HENMT1: variants seen among roughly 807,000 people sequenced by gnomAD.
HENMT1 encodes the protein HEN methyltransferase 1, also known as small RNA 2'-O-methyltransferase.
Under a neutral mutation model 31.1 loss-of-function variants are expected in HENMT1, and 27 were observed. That is an observed-to-expected ratio of 0.87 (90% CI 0.64 to 1.20). The LOEUF is 1.20. Ranked by LOEUF, HENMT1 falls within the 50% of genes most tolerant of loss-of-function variation. The pLI is 0.00. For missense variants in HENMT1, 438 were observed against 469.6 expected (o/e 0.93, Z 0.62); for synonymous variants, 167 against 172.2 (o/e 0.97, Z 0.24).
chr1:108,655,891 ACT>A (rs1553183576), intron 3 of HENMT1, among the ~76,000 whole-genome samples, 193 bp from the exon 4 acceptor site: 4 of 147,192 alleles, frequency 2.7e-5, no homozygotes, highest in African/African-American at 1.0e-4. Context: ...ACACACACAC[ACT>A]AACCTGAAAC....
At position 108,648,673 on chromosome 1, in the gene HENMT1, C is replaced by T. The variant is rs775232176; in HGVS notation, c.1075G>A (p.Glu359Lys). 6.2e-7 allele frequency: 1 copy of T among 1,614,226 alleles called. No homozygotes were observed. Reference sequence around the variant, plus strand: ...GCAATGACTGATCTCATCATCTCTTCATTAGCACATAAGCGGTTCAACTTG... The same window carrying T: ...GCAATGACTGATCTCATCATCTCTTTATTAGCACATAAGCGGTTCAACTTG... ...YPKLNRLCAN[E>K]EMMRSVIADS... Residue 359 changes from glutamate to lysine, a missense_variant, in exon 8 of 8, where the codon GAA becomes AAA. Coordinates refer to ENST00000651461, the MANE Select transcript of HENMT1 (RefSeq NM_001102592.2).
intron 6 of HENMT1, 62 bp from the exon 7 acceptor site, chr1:108,650,450 ACCATTTC>A: frequency 7.0e-7 from 1 of 1,430,504 alleles, no homozygotes; most frequent in East Asian, 2.3e-5. Context: ...TAAATAAGGA[ACCATTTC>A]TGGTCAGCAG....
intron 7 of HENMT1, chr1:108,649,530 C>T (rs769058740): frequency 4.7e-5 from 17 of 365,126 alleles, no homozygotes; most frequent in Non-Finnish European, 8.1e-5. Flanking sequence ...GTGGGAGGAT[C>T]GTTTGTGCCC....
At chr1:108,657,681 TGAA>T (rs1658290650) in intron 2 of HENMT1, 102 bp from the exon 3 acceptor site, 2 of 1,100,656 alleles carry the variant, frequency 1.8e-6, no homozygotes, top group Non-Finnish European at 2.6e-6. Flanking sequence ...CCAATCACTT[TGAA>T]AAACACACTG....
intron 7 of HENMT1, 71 bp from the exon 8 acceptor site, chr1:108,649,062 A>T (rs1215870223): frequency 3.1e-6 from 4 of 1,308,504 alleles, no homozygotes; most frequent in Non-Finnish European, 4.1e-6. Context: ...AAAGCCATCA[A>T]TAACTTTTTT....
At chr1:108,657,024 C>G (rs147124820) in intron 3 of HENMT1, among the ~76,000 whole-genome samples, 207 of 152,326 alleles carry the variant, frequency 1.4e-3, no homozygotes, top group Non-Finnish European at 2.5e-3. Context: ...CTCCATAAAA[C>G]TTAGATAAGA....
chr1:108,661,224 C>CCCTCT (rs1401694681), upstream of HENMT1: 1 of 152,726 alleles, frequency 6.5e-6, no homozygotes, highest in African/African-American at 2.4e-5. Context: ...CCGGGAGCCT[C>CCCTCT]ATGGTGCGCC....
intron 1 of HENMT1, among the ~76,000 whole-genome samples, chr1:108,660,374 A>G (rs1430452888): frequency 6.6e-6 from 1 of 152,176 alleles, no homozygotes; most frequent in African/African-American, 2.4e-5. Flanking sequence ...CTAGATACAA[A>G]CGGAGCAATC....
intron 2 of HENMT1, among the ~76,000 whole-genome samples, chr1:108,658,094 CAT>C (rs1252357765): frequency 1.4e-5 from 2 of 140,444 alleles, no homozygotes; most frequent in African/African-American, 5.7e-5. Context: ...CACACACACA[CAT>C]ATATACACAC....
At chr1:108,660,738 A>C (rs1036834163) in intron 1 of HENMT1, among the ~76,000 whole-genome samples, 5 of 151,580 alleles carry the variant, frequency 3.3e-5, no homozygotes, top group South Asian at 2.1e-4. Flanking sequence ...TCCCGGCTAA[A>C]ACGGTGAAAC....
At chr1:108,658,452 A>C (rs1658333927) in intron 2 of HENMT1, among the ~76,000 whole-genome samples, 1 of 152,160 alleles carries the variant, frequency 6.6e-6, no homozygotes, top group Non-Finnish European at 1.5e-5. Context: ...TTTAAGAGAG[A>C]GAGAGGATCT....
At chr1:108,654,875 T>C (rs1054879506) in intron 4 of HENMT1, 25 bp from the exon 5 acceptor site, 30 of 1,611,956 alleles carry the variant, frequency 1.9e-5, no homozygotes, top group Non-Finnish European at 2.2e-5. Flanking sequence ...TTGAAGAAAC[T>C]TTCTGAACAT....
upstream of HENMT1, chr1:108,661,140 G>C (rs1374790786): frequency 3.0e-6 from 1 of 335,782 alleles, no homozygotes; most frequent in Non-Finnish European, 4.2e-6. Context: ...CGGCTACGCC[G>C]GCGCCCGCAC....
chr1:108,660,706 C>G (rs1658430862), intron 1 of HENMT1, among the ~76,000 whole-genome samples: 1 of 151,946 alleles, frequency 6.6e-6, no homozygotes, highest in Admixed American at 6.6e-5. Flanking sequence ...GGGCGGATCA[C>G]GAGGTCAGGA....
At position 108,654,704 on chromosome 1, in the gene HENMT1, T is replaced by G. The variant is rs1191315192; in HGVS notation, c.398+12A>C. 2 of 1,613,748 alleles carry G rather than the reference T, an allele frequency of 1.2e-6. No homozygotes were observed. The highest frequency in any genetic ancestry group is 2.2e-5 in the South Asian group (2 of 91,064). Reference sequence around the variant, plus strand: ...AATGAACAGTTATACAGTGTATCAGTTTAAAACTTACAATTCAATACACGT... The same window carrying G: ...AATGAACAGTTATACAGTGTATCAGGTTAAAACTTACAATTCAATACACGT... On this transcript the variant is annotated intron_variant, in intron 5 of 7. Coordinates refer to ENST00000651461, the MANE Select transcript of HENMT1 (RefSeq NM_001102592.2).
At chr1:108,658,445 A>AAG (rs951471252) in intron 2 of HENMT1, among the ~76,000 whole-genome samples, 2 of 152,048 alleles carry the variant, frequency 1.3e-5, no homozygotes, top group African/African-American at 4.8e-5. Context: ...CACTCTTTTT[A>AAG]AGAGAGAGAG....
intron 7 of HENMT1, chr1:108,649,534 T>G (rs1260328101): frequency 1.1e-5 from 4 of 365,334 alleles, no homozygotes; most frequent in Non-Finnish European, 2.2e-5. Flanking sequence ...GAGGATCGTT[T>G]GTGCCCAGGA....
At chr1:108,655,532 A>G (rs375551896) in intron 4 of HENMT1, 54 bp downstream of exon 4, 4 of 1,041,814 alleles carry the variant, frequency 3.8e-6, no homozygotes, top group Non-Finnish European at 5.8e-6. Context: ...TCTAAACTCA[A>G]TAATGCCATT....
Position 108,648,366 on chromosome 1 carries a change from C to T in HENMT1, c.*200G>A, listed in dbSNP as rs989251982. ...AAGTCCAAAATCAAAGGAAAGCACC[C>T]GTTTTAAACCCTCATATCTTTCTCA... On this transcript the variant is annotated 3_prime_UTR_variant, in exon 8 of 8. Coordinates refer to ENST00000651461, the MANE Select transcript of HENMT1 (RefSeq NM_001102592.2). 7 of 540,106 alleles carry T rather than the reference C, an allele frequency of 1.3e-5. No individual in the cohort carries two copies. The highest frequency in any genetic ancestry group is 7.7e-5 in the African/African-American group (4 of 52,096). 33.5% of individuals were successfully genotyped at this position (540,106 alleles called of 1,614,324 possible). A position where few individuals can be genotyped will look rare whatever the true frequency, so the allele number is the denominator to read the frequency against.
Sources: gnomAD v4.1 joint callset for allele counts (sites outside exome capture counted in the v4.1 genomes callset) on GRCh38, gnomAD v4.1.1 for gene constraint, MANE v1.5 for transcripts, NCBI Gene and HGNC (gene_info 2026-07-23, HGNC 2026-07-21) for gene names.